SLC26A7: variants seen among roughly 807,000 people sequenced by gnomAD.
SLC26A7 encodes anion exchange transporter.
SLC26A7 carries 59 observed loss-of-function variants against 82.5 expected under a neutral mutation model. The ratio of observed to expected loss-of-function variants is 0.72; its 90% CI spans 0.58 to 0.89. SLC26A7 has a LOEUF of 0.89. SLC26A7 is among the 40% of genes least tolerant of loss of function. The probability of loss-of-function intolerance (pLI) is 0.00; values close to 1 mark genes in which losing one functional copy is unlikely to be tolerated. For synonymous variants in SLC26A7, 271 were observed against 274.3 expected, an observed-to-expected ratio of 0.99 and a Z score of 0.12; for missense variants, 820 against 793.0, an observed-to-expected ratio of 1.03 and a Z score of -0.41.
intron 7 of SLC26A7, among the ~76,000 whole-genome samples, chr8:91,338,899 G>C (rs769942893): frequency 3.9e-5 from 6 of 151,962 alleles, no homozygotes; most frequent in Non-Finnish European, 8.8e-5. Context: ...GTAAATTTGG[G>C]GCAAAGTTAC....
At chr8:91,337,780 C>A (rs1309381881) in intron 6 of SLC26A7, among the ~76,000 whole-genome samples, 1 of 152,136 alleles carries the variant, frequency 6.6e-6, no homozygotes, top group East Asian at 1.9e-4. Flanking sequence ...TGCTGTCTTA[C>A]GAAGCATCCC....
intron 11 of SLC26A7, among the ~76,000 whole-genome samples, chr8:91,358,234 A>G (rs1813931735): frequency 6.6e-6 from 1 of 152,108 alleles, no homozygotes; most frequent in Non-Finnish European, 1.5e-5. Flanking sequence ...TGGAAATACC[A>G]TTTGACCCAG....
chr8:91,377,001 C>T (rs540379841), intron 15 of SLC26A7, among the ~76,000 whole-genome samples: 18 of 152,230 alleles, frequency 1.2e-4, no homozygotes, highest in African/African-American at 3.9e-4. Flanking sequence ...AAAACCAACT[C>T]AGGGCAGAGC....
chr8:91,377,266 A>C (rs553905951), intron 15 of SLC26A7, among the ~76,000 whole-genome samples: 1 of 152,080 alleles, frequency 6.6e-6, no homozygotes, highest in East Asian at 1.9e-4. Context: ...GGACATGATC[A>C]CCTCTCCATG....
At chr8:91,232,671 T>G (rs1810325116) in intron 2 of SLC26A7, among the ~76,000 whole-genome samples, 1 of 152,152 alleles carries the variant, frequency 6.6e-6, no homozygotes, top group South Asian at 2.1e-4. Flanking sequence ...AGTGATGATG[T>G]TTTCAGACAT....
intron 12 of SLC26A7, among the ~76,000 whole-genome samples, 163 bp from the exon 13 acceptor site, chr8:91,363,309 G>A (rs899573979): frequency 2.6e-5 from 4 of 151,898 alleles, no homozygotes; most frequent in Non-Finnish European, 5.9e-5. Context: ...GAATATCCCA[G>A]AGATATATAG....
intron 4 of SLC26A7, among the ~76,000 whole-genome samples, chr8:91,309,125 A>G (rs1812405337): frequency 6.6e-6 from 1 of 152,060 alleles, no homozygotes; most frequent in African/African-American, 2.4e-5. Flanking sequence ...TAATATAATT[A>G]TGTTTAATTA....
intron 2 of SLC26A7, among the ~76,000 whole-genome samples, chr8:91,266,377 C>G (rs888969262): frequency 6.6e-6 from 1 of 151,272 alleles, no homozygotes; most frequent in African/African-American, 2.4e-5. Context: ...ACATGGGATG[C>G]CTTTTATTTG....
At chr8:91,300,055 T>C (rs572316483) in intron 4 of SLC26A7, among the ~76,000 whole-genome samples, 102 of 152,294 alleles carry the variant, frequency 6.7e-4, no homozygotes, top group Non-Finnish European at 1.3e-3. Flanking sequence ...AACTTGCTGA[T>C]ACTTTTATTG....
intron 15 of SLC26A7, among the ~76,000 whole-genome samples, chr8:91,373,638 G>A (rs1814426816): frequency 6.6e-6 from 1 of 151,902 alleles, no homozygotes; most frequent in African/African-American, 2.4e-5. Context: ...GTATTTTGTT[G>A]AAAATTTTTG....
chr8:91,345,458 A>G lies in SLC26A7; in HGVS notation c.1140+1992A>G, dbSNP rs1436216613. 3.3e-5 allele frequency among the ~76,000 whole-genome samples: 5 copies of G among 152,204 alleles called. No homozygotes were observed. The East Asian group carries it at 7.7e-4, about 23-fold the overall frequency. ...ACTTGCCTATTAAAGTAGAATTATTACAACAACTAAAGGAGTTAATAATGC... is the reference window on the plus strand; with the variant it reads ...ACTTGCCTATTAAAGTAGAATTATTGCAACAACTAAAGGAGTTAATAATGC... On this transcript the variant is annotated intron_variant, in intron 9 of 18. Transcript: ENST00000276609.
intron 15 of SLC26A7, among the ~76,000 whole-genome samples, chr8:91,388,234 C>A (rs1406539333): frequency 6.6e-6 from 1 of 151,914 alleles, no homozygotes; most frequent in Non-Finnish European, 1.5e-5. Flanking sequence ...GGGTTCACGC[C>A]GTTCTCCTGC....
intron 15 of SLC26A7, among the ~76,000 whole-genome samples, chr8:91,375,845 TTTC>T (rs554575269): frequency 7.8e-4 from 118 of 152,078 alleles, no homozygotes; most frequent in African/African-American, 2.4e-3. Context: ...TTGCTTACTT[TTTC>T]TTCTTCTTCT....
chr8:91,287,429 A>G (rs1811742218), intron 2 of SLC26A7, among the ~76,000 whole-genome samples: 1 of 152,196 alleles, frequency 6.6e-6, no homozygotes, highest in Non-Finnish European at 1.5e-5. Context: ...TTCCAGCTTT[A>G]TGTTACGTTT....
At chr8:91,336,157 AG>A (rs1437348449) in intron 6 of SLC26A7, among the ~76,000 whole-genome samples, 1 of 152,184 alleles carries the variant, frequency 6.6e-6, no homozygotes, top group Non-Finnish European at 1.5e-5. Context: ...TTCAGAAAGA[AG>A]GGTACAGGTT....
At chr8:91,303,200 A>G (rs911689235) in intron 4 of SLC26A7, among the ~76,000 whole-genome samples, 1 of 152,224 alleles carries the variant, frequency 6.6e-6, no homozygotes, top group African/African-American at 2.4e-5. Flanking sequence ...GCCAGTATCA[A>G]TTAGCATTTC....
At chr8:91,271,547 T>G (rs1416540766) in intron 2 of SLC26A7, among the ~76,000 whole-genome samples, 1 of 152,048 alleles carries the variant, frequency 6.6e-6, no homozygotes, top group Non-Finnish European at 1.5e-5. Flanking sequence ...AGGAAAATTC[T>G]TGTCCTCTGC....
chr8:91,290,114 A>T (rs958556777), intron 3 of SLC26A7, among the ~76,000 whole-genome samples: 9 of 152,200 alleles, frequency 5.9e-5, no homozygotes, highest in Non-Finnish European at 1.2e-4. Context: ...TATTACAAAA[A>T]TGGTATCTTA....
rs1813183215 is a variant in SLC26A7 at position 91,334,426 on chromosome 8, T to C, written c.774T>C (p.Val258=). 1 of 1,612,388 alleles carries C rather than the reference T, an allele frequency of 6.2e-7. No homozygotes were observed. The highest frequency in any genetic ancestry group is 1.7e-5 in the Admixed American group (1 of 59,826). ...AGTTTAAAAGGAAAATTAAAGTTGT[T>C]CTTCCTGTAGATTTAGTTTTGGTAA... ...NEQFKRKIKV[V]LPVDLVLIIA... Residue 258 remains valine, a synonymous_variant, in exon 6 of 19, where the codon GTT becomes GTC. Transcript: ENST00000276609.
Sources: allele counts gnomAD v4.1 joint callset (sites outside exome capture counted in the v4.1 genomes callset), GRCh38; gene constraint gnomAD v4.1.1; transcripts MANE v1.5; gene names NCBI Gene and HGNC (gene_info 2026-07-23, HGNC 2026-07-21).